The following GLYR1 variants were observed in gnomAD, a reference collection of about 807,000 sequenced individuals.
GLYR1 encodes cytokine-like nuclear factor N-PAC.
GLYR1 carries 21 observed loss-of-function variants against 72.7 expected under a neutral mutation model. The ratio of observed to expected loss-of-function variants is 0.29; its 90% confidence interval spans 0.20 to 0.42. The LOEUF is 0.42. GLYR1 is among the 10% of genes least tolerant of loss of function. GLYR1 has a pLI of 1.00. For missense variants in GLYR1, 594 were observed against 712.1 expected, an observed-to-expected ratio of 0.83 and a Z score of 1.89; for synonymous variants, 392 against 270.2, an observed-to-expected ratio of 1.45 and a Z score of -4.42.
intron 1 of GLYR1, 75 bp downstream of exon 1, chr16:4,847,153 G>A: frequency 2.8e-6 from 4 of 1,408,948 alleles, no homozygotes; most frequent in Non-Finnish European, 3.9e-6. Flanking sequence ...GGCAGCTCCA[G>A]GGCCGGCAGC....
rs2082881146 is a variant in GLYR1 at position 4,804,931 on chromosome 16, G to C, written c.*305C>G. 1 of 376,692 alleles carries C rather than the reference G, an allele frequency of 2.7e-6. No homozygotes were observed. The highest frequency in any genetic ancestry group is 4.0e-5 in the Admixed American group (1 of 24,906). 23.3% of individuals were successfully genotyped at this position (376,692 alleles called of 1,614,324 possible). ...GGGCAGCTTCTATCCTGGGGCGAGA[G>C]CCTGTGTGTGTGTGTGTGTGTGTGT... On this transcript the variant is annotated 3_prime_UTR_variant, in exon 16 of 16. Coordinates refer to ENST00000321919, the MANE Select transcript of GLYR1 (RefSeq NM_032569.4).
intron 15 of GLYR1, among the ~76,000 whole-genome samples, chr16:4,808,129 G>C (rs1457766751): frequency 6.6e-6 from 1 of 151,826 alleles, no homozygotes; most frequent in Non-Finnish European, 1.5e-5. Context: ...CCAGCTACTT[G>C]GGAGGCTGAG....
chr16:4,814,911 T>C (rs1331851171), intron 10 of GLYR1, among the ~76,000 whole-genome samples: 2 of 152,128 alleles, frequency 1.3e-5, no homozygotes, highest in African/African-American at 4.8e-5. Context: ...GTTTCAAGAA[T>C]GGGGTATGAA....
At position 4,811,653 on chromosome 16, in the gene GLYR1, C is replaced by T; in HGVS notation, c.1432G>A (p.Ala478Thr). 4 of 1,614,132 alleles carry T rather than the reference C, an allele frequency of 2.5e-6. No homozygotes were observed. Among genetic ancestry groups the T allele is most frequent in the Non-Finnish European group, 1.7e-6 (2 of 1,180,044 alleles). ...LLDILNQGQL[A>T]SIFLDQKCQN... is the part of the protein sequence containing the mutation. ...CACTTCTGGTCCAGGAAGATGCTGG[C>T]CAACTGTCCCTGATTGAGGATGTCC... is the stretch of plus-strand genomic sequence containing the variant. Residue 478 changes from alanine to threonine, a missense_variant, in exon 14 of 16, where the codon GCC becomes ACC. Ala to Thr is a moderately conservative substitution (Grantham distance 58). Transcript: ENST00000321919.
intron 5 of GLYR1, among the ~76,000 whole-genome samples, chr16:4,827,981 G>A (rs2084511868): frequency 6.6e-6 from 1 of 151,740 alleles, no homozygotes; most frequent in Non-Finnish European, 1.5e-5. Flanking sequence ...AATCTATGGG[G>A]GACATTTTCC....
intron 10 of GLYR1, 33 bp downstream of exon 10, chr16:4,817,565 C>A (rs368569245): frequency 4.4e-6 from 6 of 1,371,236 alleles, no homozygotes; most frequent in Non-Finnish European, 5.2e-6. Flanking sequence ...CCAGACTCCA[C>A]CGATCCAACA....
At chr16:4,812,065 T>C (rs758776730) in intron 13 of GLYR1, 21 bp downstream of exon 13, 1 of 1,607,814 alleles carries the variant, frequency 6.2e-7, no homozygotes, top group Non-Finnish European at 8.5e-7. Context: ...GCTCCAGGCC[T>C]GACAGGTGCA....
chr16:4,813,729 G>A lies in GLYR1; in HGVS notation c.1119+8C>T, dbSNP rs748007208. 33 of 1,585,604 alleles carry A rather than the reference G, an allele frequency of 2.1e-5. No individual in the cohort carries two copies. The highest frequency in any genetic ancestry group is 2.7e-5 in the Non-Finnish European group (32 of 1,164,908). On this transcript the variant is annotated splice_region_variant and intron_variant, in intron 12 of 15. Coordinates refer to ENST00000321919, the MANE Select transcript of GLYR1 (RefSeq NM_032569.4). ...ATGCTGGAGAGCCAGCCCAAGGAAGGCTGCTACCTGGGCCAGCTCAGTGAC... is the reference window on the plus strand; with the variant it reads ...ATGCTGGAGAGCCAGCCCAAGGAAGACTGCTACCTGGGCCAGCTCAGTGAC...
chr16:4,811,018 T>C, intron 15 of GLYR1, 152 bp downstream of exon 15: 3 of 907,702 alleles, frequency 3.3e-6, no homozygotes, highest in South Asian at 1.9e-5. Context: ...GGCAGGAGAA[T>C]TGCTTGAAAC....
chr16:4,842,611 T>G (rs1211682866), intron 3 of GLYR1, among the ~76,000 whole-genome samples: 1 of 152,238 alleles, frequency 6.6e-6, no homozygotes, highest in Non-Finnish European at 1.5e-5. Flanking sequence ...TCCTCCTGTC[T>G]TGGCCTCCCA....
intron 3 of GLYR1, chr16:4,843,564 C>T: frequency 7.8e-7 from 1 of 1,289,140 alleles, no homozygotes; most frequent in Middle Eastern, 2.1e-4. Context: ...CCACAGGCTG[C>T]TAAGCTGGCT....
chr16:4,823,740 G>T, intron 6 of GLYR1, 81 bp downstream of exon 6: 1 of 928,864 alleles, frequency 1.1e-6, no homozygotes, highest in Non-Finnish European at 1.6e-6. Flanking sequence ...ACAAGAAAGG[G>T]ACAAAAAAAA....
chr16:4,825,585 A>G (rs763449678), intron 5 of GLYR1, among the ~76,000 whole-genome samples: 47 of 152,282 alleles, frequency 3.1e-4, no homozygotes, highest in African/African-American at 7.9e-4. Flanking sequence ...AGACATCACA[A>G]TAAGTCCTAT....
Position 4,804,933 on chromosome 16 carries a change from C to CTCTGTGTGTGTGTG in GLYR1, c.*302_*303insCACACACACACAGA, listed in dbSNP as rs373831597. ...GCAGCTTCTATCCTGGGGCGAGAGC[C>CTCTGTGTGTGTGTG]TGTGTGTGTGTGTGTGTGTGTGTGT... On this transcript the variant is annotated 3_prime_UTR_variant, in exon 16 of 16. Transcript: ENST00000321919. 1.0e-5 allele frequency: 3 copies of CTCTGTGTGTGTGTG among 288,090 alleles called. No individual in the cohort carries two copies. The highest frequency in any genetic ancestry group is 6.6e-5 in the African/African-American group (3 of 45,738). 17.8% of individuals were successfully genotyped at this position (288,090 alleles called of 1,614,324 possible).
chr16:4,830,918 G>A (rs1352649413), intron 5 of GLYR1, among the ~76,000 whole-genome samples: 1 of 151,972 alleles, frequency 6.6e-6, no homozygotes, highest in African/African-American at 2.4e-5. Flanking sequence ...CCACTGCCCG[G>A]ACTCAACTAC....
rs56171552 is a variant in GLYR1, at chr16:4,825,273, C to G, written c.538-1366G>C. Among the ~76,000 whole-genome samples the G allele has an allele frequency of 5.5e-3, 833 of 152,268 alleles. 8 individuals carry two copies. The highest frequency in any genetic ancestry group is 0.019 in the African/African-American group (795 of 41,522). On this transcript the variant is annotated intron_variant, in intron 5 of 15. Coordinates refer to ENST00000321919, the MANE Select transcript of GLYR1 (RefSeq NM_032569.4). ...GTTCTGCCGTCTCCCACCCATCCCA[C>G]GCCAATCTCCAACCTCAAGTCCTAT...
At chr16:4,817,914 G>T (rs1245098853) in intron 9 of GLYR1, 1 of 520,594 alleles carries the variant, frequency 1.9e-6, no homozygotes, top group Non-Finnish European at 3.5e-6. Context: ...GATGTAAACA[G>T]GCATTTTGAA....
intron 9 of GLYR1, 100 bp from the exon 10 acceptor site, chr16:4,817,797 G>A: frequency 1.3e-6 from 1 of 770,280 alleles, no homozygotes; most frequent in South Asian, 1.5e-5. Flanking sequence ...ACAGCTTGGG[G>A]TAGGGGAATT....
At chr16:4,807,844 T>C (rs1659891082) in intron 15 of GLYR1, among the ~76,000 whole-genome samples, 1 of 152,144 alleles carries the variant, frequency 6.6e-6, no homozygotes, top group Non-Finnish European at 1.5e-5. Flanking sequence ...AATCCACTGG[T>C]AGAATGAACA....
Sources: allele counts gnomAD v4.1 joint callset (sites outside exome capture counted in the v4.1 genomes callset), GRCh38; gene constraint gnomAD v4.1.1; transcripts MANE v1.5; gene names NCBI Gene and HGNC (gene_info 2026-07-23, HGNC 2026-07-21).